The following ATP5MC2 variants were observed in gnomAD, a reference collection of about 807,000 sequenced individuals.
ATP5MC2 encodes ATP synthase membrane subunit c locus 2.
A neutral mutation model predicts 13.5 loss-of-function variants in ATP5MC2; 11 were observed. That is an observed-to-expected ratio of 0.81 (90% CI 0.51 to 1.35). ATP5MC2 has a LOEUF of 1.35. Ranked by LOEUF, ATP5MC2 falls within the 40% of genes most tolerant of loss-of-function variation. The pLI, the probability that ATP5MC2 is intolerant of heterozygous loss-of-function variation, is 0.00. For missense variants in ATP5MC2, 132 were observed against 175.0 expected, an observed-to-expected ratio of 0.75 and a Z score of 1.39; for synonymous variants, 64 against 69.7, an observed-to-expected ratio of 0.92 and a Z score of 0.41.
intron 2 of ATP5MC2, among the ~76,000 whole-genome samples, chr12:53,671,079 T>C (rs984158535): frequency 6.6e-6 from 1 of 151,960 alleles, no homozygotes. Context: ...TTTTGGAAAA[T>C]AGGAACAAAG....
At chr12:53,675,056 T>A (rs900573321) in intron 1 of ATP5MC2, among the ~76,000 whole-genome samples, 2 of 152,194 alleles carry the variant, frequency 1.3e-5, no homozygotes, top group Admixed American at 1.3e-4. Flanking sequence ...GGGTGGCAAT[T>A]AAGTGATCCC....
intron 3 of ATP5MC2, 46 bp from the exon 4 acceptor site, chr12:53,669,387 A>G (rs1346231199): frequency 6.4e-7 from 1 of 1,569,224 alleles, no homozygotes; most frequent in Non-Finnish European, 8.6e-7. Flanking sequence ...TGCTTTGGTA[A>G]CTTTTGTACC....
chr12:53,667,620 C>T (rs1944954702), intron 4 of ATP5MC2, among the ~76,000 whole-genome samples: 1 of 152,086 alleles, frequency 6.6e-6, no homozygotes, highest in African/African-American at 2.4e-5. Context: ...CCTCAGCCTC[C>T]TGAGTAGCTG....
At chr12:53,677,632 A>G (rs1423959484), upstream of ATP5MC2, among the ~76,000 whole-genome samples, 1 of 152,200 alleles carries the variant, frequency 6.6e-6, no homozygotes, top group Admixed American at 6.5e-5. Context: ...TCTTTCCTAA[A>G]TTCGCATTTC....
At chr12:53,666,762 A>AAAAT (rs1944925921) in intron 4 of ATP5MC2, among the ~76,000 whole-genome samples, 1 of 147,420 alleles carries the variant, frequency 6.8e-6, no homozygotes, top group African/African-American at 2.5e-5. Flanking sequence ...TCTGTCTCAA[A>AAAAT]AAAATAAAAT....
At chr12:53,670,624 CTTTT>C (rs998395727) in intron 2 of ATP5MC2, among the ~76,000 whole-genome samples, 2 of 144,644 alleles carry the variant, frequency 1.4e-5, no homozygotes, top group Admixed American at 7.0e-5. Flanking sequence ...TTCTTTCTTT[CTTTT>C]TTTTTTTTGA....
Position 53,665,216 on chromosome 12 carries a change from G to T in ATP5MC2, c.*98C>A. On this transcript the variant is annotated 3_prime_UTR_variant, in exon 5 of 5. Transcript: ENST00000394349. Reference sequence around the variant, plus strand: ...TTGTCTTTTCTCTGTCAAACCCTGAGCCAACCACGTTCCCCAGGCTGCCTG... The same window carrying T: ...TTGTCTTTTCTCTGTCAAACCCTGATCCAACCACGTTCCCCAGGCTGCCTG... 1.1e-6 allele frequency: 1 copy of T among 870,286 alleles called. No homozygotes were observed. The highest frequency in any genetic ancestry group is 1.8e-6 in the Non-Finnish European group (1 of 555,836). 53.9% of individuals were successfully genotyped at this position (870,286 alleles called of 1,614,324 possible).
rs777645281 is a variant in ATP5MC2, at chr12:53,672,620, G to T, written c.-6C>A. On this transcript the variant is annotated 5_prime_UTR_variant, in exon 2 of 5. In the 5' UTR this introduces an upstream ATG that the reference lacks. Coordinates refer to ENST00000394349, the MANE Select transcript of ATP5MC2 (RefSeq NM_005176.7). The stretch of plus-strand genomic sequence containing the variant: ...AACTTGGAGCAGGCGAACATTTTCA[G>T]GGGGTGAGGAGCTGTGGCAGGAGAG... 1.9e-6 allele frequency: 3 copies of T among 1,583,572 alleles called. No individual in the cohort carries two copies. The African/African-American group carries it at 4.0e-5, about 21-fold the overall frequency.
chr12:53,672,679 T>C (rs1303517302), intron 1 of ATP5MC2, 34 bp from the exon 2 acceptor site: 3 of 1,546,106 alleles, frequency 1.9e-6, no homozygotes, highest in Non-Finnish European at 1.8e-6. Context: ...TAAACGCTCC[T>C]TATTCACTAA....
At chr12:53,666,040 G>C (rs188054603) in intron 4 of ATP5MC2, among the ~76,000 whole-genome samples, 29 of 152,348 alleles carry the variant, frequency 1.9e-4, no homozygotes, top group Admixed American at 1.9e-3. Context: ...GGGTGCGGTG[G>C]CTCACACCTG....
intron 2 of ATP5MC2, among the ~76,000 whole-genome samples, chr12:53,670,924 G>T (rs1157962935): frequency 6.6e-6 from 1 of 151,778 alleles, no homozygotes. Flanking sequence ...CGCCCAGCCC[G>T]AAGTATGGTT....
At chr12:53,672,218 T>C (rs1004799822) in intron 2 of ATP5MC2, among the ~76,000 whole-genome samples, 1 of 151,942 alleles carries the variant, frequency 6.6e-6, no homozygotes, top group African/African-American at 2.4e-5. Context: ...TTCTTACTTA[T>C]TTACTTATTT....
At chr12:53,672,413 G>T (rs1394301277) in intron 2 of ATP5MC2, among the ~76,000 whole-genome samples, 163 bp downstream of exon 2, 2 of 152,048 alleles carry the variant, frequency 1.3e-5, no homozygotes, top group Non-Finnish European at 2.9e-5. Flanking sequence ...GTAGAGATGG[G>T]GTTTCGCCAT....
chr12:53,668,999 CAG>C, intron 4 of ATP5MC2, 147 bp downstream of exon 4: 2 of 1,160,110 alleles, frequency 1.7e-6, no homozygotes, highest in Non-Finnish European at 2.2e-6. Flanking sequence ...GCCTGGGAAA[CAG>C]AGCGTTACTG....
chr12:53,679,364 C>T (rs895756808), upstream of ATP5MC2, among the ~76,000 whole-genome samples: 1 of 151,814 alleles, frequency 6.6e-6, no homozygotes, highest in African/African-American at 2.4e-5. Flanking sequence ...TTCCTGATGG[C>T]TTAAGATGAG....
chr12:53,671,709 A>G (rs1005656476), intron 2 of ATP5MC2, among the ~76,000 whole-genome samples: 1 of 152,170 alleles, frequency 6.6e-6, no homozygotes. Context: ...TCTCATCTCT[A>G]TTCTTCTCCT....
chr12:53,667,954 CACATATAT>C (rs1328204668), intron 4 of ATP5MC2, among the ~76,000 whole-genome samples: 5 of 26,968 alleles, frequency 1.9e-4, no homozygotes, highest in Admixed American at 5.7e-4. Flanking sequence ...TACATACACA[CACATATAT>C]ATATATATAT....
chr12:53,666,374 G>C (rs59162186), intron 4 of ATP5MC2, among the ~76,000 whole-genome samples: 2 of 152,000 alleles, frequency 1.3e-5, no homozygotes, highest in Admixed American at 1.3e-4. Context: ...TCAGGAAATC[G>C]AGACCATCCT....
intron 2 of ATP5MC2, among the ~76,000 whole-genome samples, chr12:53,672,096 A>AAAAAAAAG (rs1945114110): frequency 6.7e-6 from 1 of 148,646 alleles, no homozygotes; most frequent in South Asian, 2.1e-4. Context: ...AAAAAAAAAA[A>AAAAAAAAG]AAAAAAAAAT....
Sources: allele counts gnomAD v4.1 joint callset (sites outside exome capture counted in the v4.1 genomes callset), GRCh38; gene constraint gnomAD v4.1.1; transcripts MANE v1.5; gene names NCBI Gene and HGNC (gene_info 2026-07-23, HGNC 2026-07-21).